CD74: variants seen among roughly 807,000 people sequenced by gnomAD.
CD74 encodes the protein HLA class II histocompatibility antigen gamma chain.
Under a neutral mutation model 37.1 loss-of-function variants are expected in CD74, and 20 were observed. The observed-to-expected ratio is 0.54, with a 90% CI of 0.38 to 0.78. The LOEUF (loss-of-function observed/expected upper bound fraction) is 0.78, where lower values mean the gene tolerates loss of function less well. CD74 is among the 30% of genes least tolerant of loss of function. The pLI, the probability that CD74 is intolerant of heterozygous loss-of-function variation, is 0.00. For missense variants in CD74, 338 were observed against 389.5 expected (o/e 0.87, Z 1.11); for synonymous variants, 150 against 152.0 (o/e 0.99, Z 0.10).
intron 4 of CD74, chr5:150,405,407 T>G: frequency 1.6e-6 from 2 of 1,251,484 alleles, no homozygotes; most frequent in African/African-American, 1.6e-5. Flanking sequence ...GAGTTCCAGA[T>G]TCCAGGCCAG....
Position 150,402,717 on chromosome 5 carries a change from CT to C in CD74, c.818-93del. On this transcript the variant is annotated intron_variant, in intron 7 of 8. Coordinates refer to ENST00000009530, the MANE Select transcript of CD74 (RefSeq NM_001025159.3). This position sits in a 1 kb window ranked among gnomAD's most constrained non-coding sequence, Gnocchi z 4.2. ...GCAGTGCTTCCCACCTAGCCACAGGCTTAGTGCCTGGGAAAGCAGGTACCCA... is the reference window on the plus strand; with the variant it reads ...GCAGTGCTTCCCACCTAGCCACAGGCTAGTGCCTGGGAAAGCAGGTACCCA... The C allele has an allele frequency of 9.0e-7, 1 of 1,108,504 alleles. No homozygotes were observed. 68.7% of individuals were successfully genotyped at this position (1,108,504 alleles called of 1,614,324 possible).
Position 150,403,864 on chromosome 5 carries a change from C to T in CD74, c.626-552G>A, listed in dbSNP as rs1769790624. 6.6e-6 allele frequency among the ~76,000 whole-genome samples: 1 copy of T among 152,166 alleles called. No individual in the cohort carries two copies. Among genetic ancestry groups the T allele is most frequent in the Non-Finnish European group, 1.5e-5 (1 of 68,024 alleles). ...ACAGAGCCAGACTCTATCTCAAAAA[C>T]AAACAATCAAACAAAAAAACACCAT... On this transcript the variant is annotated intron_variant, in intron 6 of 8. Transcript: ENST00000009530. The surrounding 1 kb of genome is among the most constrained non-coding windows in gnomAD (Gnocchi z 4.5).
intron 1 of CD74, among the ~76,000 whole-genome samples, chr5:150,409,277 A>T (rs1306448986): frequency 6.6e-6 from 1 of 151,858 alleles, no homozygotes; most frequent in South Asian, 2.1e-4. Flanking sequence ...CTGTAATCCC[A>T]GCACTTTAGG....
At chr5:150,404,190 C>T (rs1359941838) in intron 6 of CD74, among the ~76,000 whole-genome samples, 1 of 152,170 alleles carries the variant, frequency 6.6e-6, no homozygotes, top group Middle Eastern at 3.2e-3. Flanking sequence ...TTAGAGACAG[C>T]ACCGGGATAG....
chr5:150,404,401 A>G (rs1561551241), intron 6 of CD74: 1 of 439,396 alleles, frequency 2.3e-6, no homozygotes, highest in Non-Finnish European at 4.2e-6. Flanking sequence ...GTGCTGTACC[A>G]TCCTCTATGA....
chr5:150,401,770 T>G lies in CD74; in HGVS notation c.*470A>C. ...AAAACATTGGCTCTTCCTTGGGGAG[T>G]GATGCTGGGGAAAGGGAAGAGAGTG... On this transcript the variant is annotated 3_prime_UTR_variant, in exon 9 of 9. Coordinates refer to ENST00000009530, the MANE Select transcript of CD74 (RefSeq NM_001025159.3). 3.3e-6 allele frequency: 2 copies of G among 598,180 alleles called. No homozygotes were observed. The highest frequency in any genetic ancestry group is 6.0e-6 in the Non-Finnish European group (2 of 335,164). 37.1% of individuals were successfully genotyped at this position (598,180 alleles called of 1,614,324 possible).
Position 150,406,875 on chromosome 5 carries a change from C to T in CD74, c.378+6G>A. ...GCCCCTCCCACCACCCTGGGGCTGT[C>T]CTTACCCCCTGGGGCAGGGCTCCCA... On this transcript the variant is annotated splice_donor_region_variant and intron_variant, in intron 3 of 8. Transcript: ENST00000009530. The T allele has an allele frequency of 1.3e-6, 2 of 1,490,680 alleles. No individual in the cohort carries two copies. The highest frequency in any genetic ancestry group is 1.8e-6 in the Non-Finnish European group (2 of 1,122,060). 92.3% of individuals were successfully genotyped at this position (1,490,680 alleles called of 1,614,324 possible). A position where few individuals can be genotyped will look rare whatever the true frequency, so the allele number is the denominator to read the frequency against.
chr5:150,410,744 T>C (rs937844073), intron 1 of CD74, among the ~76,000 whole-genome samples: 1 of 149,140 alleles, frequency 6.7e-6, no homozygotes. Context: ...GTGACACAGA[T>C]GTTGCCAGGC....
rs1254940006 is a variant in CD74, at chr5:150,401,729, A to C, written c.*511T>G. 8.6e-6 allele frequency: 5 copies of C among 584,370 alleles called. No homozygotes were observed. Among genetic ancestry groups the C allele is most frequent in the Non-Finnish European group, 1.5e-5 (5 of 327,966 alleles). 36.2% of individuals were successfully genotyped at this position (584,370 alleles called of 1,614,324 possible). ...AGCAGAGGGAACTAGGGGTCGGCAG[A>C]AAGGATTATGGGTGGAAAACATTGG... On this transcript the variant is annotated 3_prime_UTR_variant, in exon 9 of 9. Coordinates refer to ENST00000009530, the MANE Select transcript of CD74 (RefSeq NM_001025159.3).
intron 1 of CD74, among the ~76,000 whole-genome samples, chr5:150,408,853 T>C (rs1333030210): frequency 6.6e-6 from 1 of 152,174 alleles, no homozygotes; most frequent in African/African-American, 2.4e-5. Flanking sequence ...AGGTGCCCTG[T>C]AAGACGGCTT....
rs748799920 is a variant in CD74, at chr5:150,407,120, T to G, written c.298+32A>C. 2.6e-5 allele frequency: 41 copies of G among 1,593,620 alleles called. No individual in the cohort carries two copies. The Admixed American group carries it at 6.4e-4, about 25-fold the overall frequency. On this transcript the variant is annotated intron_variant, in intron 2 of 8. Transcript: ENST00000009530. This position sits in a 1 kb window ranked among gnomAD's most constrained non-coding sequence, Gnocchi z 4.4. The stretch of plus-strand genomic sequence containing the variant: ...CTCTGAGTTGAGGGATGGTGGGAGG[T>G]GGGGGGTATCAGGATGTAGGGGTGC...
In CD74 at chr5:150,411,522, A is replaced by T. The variant is rs10066388; in HGVS notation, c.125+1103T>A. On this transcript the variant is annotated intron_variant, in intron 1 of 8. Coordinates refer to ENST00000009530, the MANE Select transcript of CD74 (RefSeq NM_001025159.3). ...CACACCTAGCTGTAAGTCCCTGTAG[A>T]TCGCAAATTACTTTTTGGAGACTGG... is the stretch of plus-strand genomic sequence containing the variant. 3.1e-3 allele frequency among the ~76,000 whole-genome samples: 472 copies of T among 152,322 alleles called. 1 individual carries two copies. The highest frequency in any genetic ancestry group is 0.011 in the African/African-American group (447 of 41,568).
Position 150,402,695 on chromosome 5 carries a change from G to T in CD74, c.818-70C>A, listed in dbSNP as rs2151167803. 2 of 1,340,154 alleles carry T rather than the reference G, an allele frequency of 1.5e-6. No homozygotes were observed. The highest frequency in any genetic ancestry group is 2.1e-6 in the Non-Finnish European group (2 of 956,550). The allele number at this position is 1,340,154 out of a possible 1,614,324, so 83.0% of individuals were successfully genotyped here. A position where few individuals can be genotyped will look rare whatever the true frequency, so the allele number is the denominator to read the frequency against. On this transcript the variant is annotated intron_variant, in intron 7 of 8. Coordinates refer to ENST00000009530, the MANE Select transcript of CD74 (RefSeq NM_001025159.3). The surrounding 1 kb of genome is among the most constrained non-coding windows in gnomAD (Gnocchi z 4.2). ...ACCTGACCCAAGATGCCTGAGGGCAGTGCTTCCCACCTAGCCACAGGCTTA... is the reference window on the plus strand; with the variant it reads ...ACCTGACCCAAGATGCCTGAGGGCATTGCTTCCCACCTAGCCACAGGCTTA...
Position 150,412,907 on chromosome 5 carries a change from G to A in CD74, c.-158C>T. The A allele has an allele frequency of 6.7e-7, 1 of 1,502,072 alleles. No homozygotes were observed. 93.0% of individuals were successfully genotyped at this position (1,502,072 alleles called of 1,614,324 possible). A position where few individuals can be genotyped will look rare whatever the true frequency, so the allele number is the denominator to read the frequency against. ...TGGTGAAGCTGCCTTTTGCGGGGCAGGATGTGGGGCGGGGGGGCTCCCCAG... is the reference window on the plus strand; with the variant it reads ...TGGTGAAGCTGCCTTTTGCGGGGCAAGATGTGGGGCGGGGGGGCTCCCCAG... On this transcript the variant is annotated 5_prime_UTR_variant, in exon 1 of 9. Transcript: ENST00000009530.
chr5:150,404,991 A>G, intron 5 of CD74, 94 bp downstream of exon 5: 4 of 1,202,960 alleles, frequency 3.3e-6, no homozygotes, highest in Non-Finnish European at 4.9e-6. Context: ...CTTCCTGAGA[A>G]TGGCTTCCCC....
chr5:150,404,648 C>T lies in CD74; in HGVS notation c.625+32G>A, dbSNP rs376259881. 6 of 1,441,420 alleles carry T rather than the reference C, an allele frequency of 4.2e-6. No homozygotes were observed. The African/African-American group carries it at 4.2e-5, about 10-fold the overall frequency. The allele number at this position is 1,441,420 out of a possible 1,614,324, so 89.3% of individuals were successfully genotyped here. A position where few individuals can be genotyped will look rare whatever the true frequency, so the allele number is the denominator to read the frequency against. ...CAGGAGAGCCCCGAGGGTCCAGAAG[C>T]CCTGGCACGCTAAAGCTCCCACTCC... On this transcript the variant is annotated intron_variant, in intron 6 of 8. Transcript: ENST00000009530.
intron 1 of CD74, 125 bp downstream of exon 1, chr5:150,412,500 G>C (rs961615819): frequency 2.7e-6 from 2 of 735,432 alleles, no homozygotes; most frequent in African/African-American, 3.5e-5. Context: ...CACCCAAAAA[G>C]TCAATGTTAG....
At chr5:150,412,027 C>A (rs539960701) in intron 1 of CD74, among the ~76,000 whole-genome samples, 15 of 152,300 alleles carry the variant, frequency 9.8e-5, no homozygotes, top group African/African-American at 3.1e-4. Context: ...TACAGTTGCA[C>A]AATCTTGGCT....
Position 150,407,126 on chromosome 5 carries a change from G to A in CD74, c.298+26C>T. On this transcript the variant is annotated intron_variant, in intron 2 of 8. Coordinates refer to ENST00000009530, the MANE Select transcript of CD74 (RefSeq NM_001025159.3). This position sits in a 1 kb window ranked among gnomAD's most constrained non-coding sequence, Gnocchi z 4.4. ...GTTGAGGGATGGTGGGAGGTGGGGG[G>A]TATCAGGATGTAGGGGTGCACGCAC... The A allele has an allele frequency of 5.6e-6, 9 of 1,603,546 alleles. No individual in the cohort carries two copies. Among genetic ancestry groups the A allele is most frequent in the East Asian group, 2.3e-5 (1 of 44,276 alleles).
Sources: allele counts gnomAD v4.1 joint callset (sites outside exome capture counted in the v4.1 genomes callset), GRCh38; gene constraint gnomAD v4.1.1; non-coding constraint Gnocchi (gnomAD v3.1); transcripts MANE v1.5; gene names NCBI Gene and HGNC (gene_info 2026-07-23, HGNC 2026-07-21).